Variants in LANCL2 observed in about 807,000 individuals in gnomAD.
The protein encoded by LANCL2 is LanC like glutathione S-transferase 2.
Under a neutral mutation model 56.9 loss-of-function variants are expected in LANCL2, and 33 were observed. The ratio of observed to expected loss-of-function variants is 0.58; its 90% CI spans 0.44 to 0.78. The LOEUF (loss-of-function observed/expected upper bound fraction) is 0.78, where lower values mean the gene tolerates loss of function less well. LANCL2 is among the 30% of genes least tolerant of loss of function. The pLI is 0.00. For synonymous variants in LANCL2, 233 were observed against 228.2 expected (o/e 1.02, Z -0.19); for missense variants, 562 against 580.2 (o/e 0.97, Z 0.32).
At chr7:55,400,466 G>A (rs1333799318) in intron 4 of LANCL2, among the ~76,000 whole-genome samples, 1 of 152,128 alleles carries the variant, frequency 6.6e-6, no homozygotes, top group African/African-American at 2.4e-5. Flanking sequence ...ACCCTTATTT[G>A]CAGGACCAAG....
Position 55,431,412 on chromosome 7 carries a change from G to C in LANCL2, c.*92G>C. Reference sequence around the variant, plus strand: ...ACAGAAACAACTGGGAATCCTGAAAGAGAAGCAGACACCGTCACAGGCCCC... The same window carrying C: ...ACAGAAACAACTGGGAATCCTGAAACAGAAGCAGACACCGTCACAGGCCCC... On this transcript the variant is annotated 3_prime_UTR_variant, in exon 9 of 9. Transcript: ENST00000254770. The C allele has an allele frequency of 1.2e-6, 1 of 867,076 alleles. No individual in the cohort carries two copies. The highest frequency in any genetic ancestry group is 2.5e-5 in the East Asian group (1 of 40,042). The allele number at this position is 867,076 out of a possible 1,614,324, so 53.7% of individuals were successfully genotyped here. A position where few individuals can be genotyped will look rare whatever the true frequency, so the allele number is the denominator to read the frequency against.
chr7:55,425,910 G>A (rs775879671), intron 7 of LANCL2, among the ~76,000 whole-genome samples: 2 of 152,266 alleles, frequency 1.3e-5, no homozygotes, highest in African/African-American at 4.8e-5. Context: ...AGAGCCCTGC[G>A]CACCTTGGCC....
chr7:55,398,305 C>A, intron 2 of LANCL2, 118 bp from the exon 3 acceptor site: 1 of 718,060 alleles, frequency 1.4e-6, no homozygotes, highest in South Asian at 1.8e-5. Context: ...TTTGGTGTTA[C>A]CCGTTTGGAA....
intron 1 of LANCL2, among the ~76,000 whole-genome samples, chr7:55,391,255 T>C (rs1406007961): frequency 6.6e-6 from 1 of 151,962 alleles, no homozygotes; most frequent in Non-Finnish European, 1.5e-5. Flanking sequence ...CCTGACCTCG[T>C]GATCCGCCCG....
Position 55,428,394 on chromosome 7 carries a change from A to G in LANCL2, c.1205A>G (p.Asp402Gly). The G allele has an allele frequency of 3.1e-6, 5 of 1,614,178 alleles. No homozygotes were observed. The highest frequency in any genetic ancestry group is 4.2e-6 in the Non-Finnish European group (5 of 1,180,004). The change falls in exon 8 of 9, where the codon GAT (aspartate) becomes GGT (glycine). Residue 402 changes from aspartate (D) to glycine (G), a missense_variant. Physicochemically the swap from Asp to Gly is moderately conservative, Grantham distance 94. Around this residue, in one of 2 missense-constraint regions of LANCL2, gnomAD observed 378 missense variants for 468.4 expected, o/e 0.81. Transcript: ENST00000254770. ...RACKFAEWCLDYGAHGCRIPD... is the reference protein window; with the variant it reads ...RACKFAEWCLGYGAHGCRIPD... ...TTTCAGTTTGCAGAGTGGTGTCTAG[A>G]TTACGGAGCACACGGGTGCCGCATT...
At chr7:55,390,520 C>T (rs1238434183) in intron 1 of LANCL2, among the ~76,000 whole-genome samples, 2 of 152,142 alleles carry the variant, frequency 1.3e-5, no homozygotes, top group Non-Finnish European at 2.9e-5. Context: ...GCAGGAGAAT[C>T]GCTTGAAGCC....
chr7:55,403,253 C>A (rs1351900880), intron 5 of LANCL2, among the ~76,000 whole-genome samples: 1 of 152,272 alleles, frequency 6.6e-6, no homozygotes, highest in Non-Finnish European at 1.5e-5. Context: ...CCAGCCTGGC[C>A]AACACAGCGA....
At chr7:55,392,895 G>T (rs1466655503) in intron 2 of LANCL2, among the ~76,000 whole-genome samples, 1 of 152,166 alleles carries the variant, frequency 6.6e-6, no homozygotes, top group Non-Finnish European at 1.5e-5. Context: ...GTGACAGGCT[G>T]TGGTGAGTGG....
chr7:55,403,002 C>T (rs1304964544), intron 5 of LANCL2, among the ~76,000 whole-genome samples: 1 of 151,698 alleles, frequency 6.6e-6, no homozygotes, highest in African/African-American at 2.4e-5. Flanking sequence ...CGATGGGCGG[C>T]CAGGCAGAGA....
chr7:55,378,724 A>G lies in LANCL2; in HGVS notation c.204+12495A>G, dbSNP rs183654080. Among the ~76,000 whole-genome samples, 115 of 152,342 alleles carry G rather than the reference A, an allele frequency of 7.5e-4. 1 individual carries two copies. The East Asian group carries it at 0.011, about 15-fold the overall frequency. ...AATCCTCTTTTATGAGAAATAGGAA[A>G]AGGGGAACCATAAAAAGTACCTTAT... On this transcript the variant is annotated intron_variant, in intron 1 of 8. Coordinates refer to ENST00000254770, the MANE Select transcript of LANCL2 (RefSeq NM_018697.4).
chr7:55,429,668 C>T (rs1467084208), intron 8 of LANCL2, among the ~76,000 whole-genome samples: 1 of 152,184 alleles, frequency 6.6e-6, no homozygotes, highest in African/African-American at 2.4e-5. Flanking sequence ...AAGTTGTAGT[C>T]CTCTATGTCA....
intron 1 of LANCL2, among the ~76,000 whole-genome samples, chr7:55,386,262 A>G (rs746102469): frequency 1.3e-5 from 2 of 152,266 alleles, no homozygotes; most frequent in East Asian, 3.8e-4. Context: ...TGGGGAAGTG[A>G]TAAGTGTCCA....
rs538496064 is a variant in LANCL2 at position 55,375,477 on chromosome 7, G to A, written c.204+9248G>A. ...GCGAGCTCCTGTCTTTCTCTGAGACGCCTGTGAGAGGCTTCTTCCTCCAGG... is the reference window on the plus strand; with the variant it reads ...GCGAGCTCCTGTCTTTCTCTGAGACACCTGTGAGAGGCTTCTTCCTCCAGG... On this transcript the variant is annotated intron_variant, in intron 1 of 8. Coordinates refer to ENST00000254770, the MANE Select transcript of LANCL2 (RefSeq NM_018697.4). Among the ~76,000 whole-genome samples the A allele has an allele frequency of 1.2e-4, 19 of 152,254 alleles. No homozygotes were observed. The East Asian group carries it at 1.5e-3, about 12-fold the overall frequency.
At chr7:55,428,294 T>C (rs2272227) in intron 7 of LANCL2, 81 bp from the exon 8 acceptor site, 439,633 of 1,243,092 alleles carry the variant, frequency 0.35, 81,384 homozygotes, top group Admixed American at 0.57. Context: ...CCCTGATGCC[T>C]GTGAAGACAT....
At chr7:55,386,594 A>G (rs1241241811) in intron 1 of LANCL2, among the ~76,000 whole-genome samples, 2 of 152,198 alleles carry the variant, frequency 1.3e-5, no homozygotes, top group Non-Finnish European at 2.9e-5. Context: ...GGAGGGCTAC[A>G]TGTTCTGGAC....
At chr7:55,403,256 C>T (rs1211332041) in intron 5 of LANCL2, among the ~76,000 whole-genome samples, 5 of 152,278 alleles carry the variant, frequency 3.3e-5, no homozygotes, top group African/African-American at 1.2e-4. Context: ...GCCTGGCCAA[C>T]ACAGCGAAAC....
intron 1 of LANCL2, among the ~76,000 whole-genome samples, chr7:55,390,035 T>G (rs948679471): frequency 6.6e-6 from 1 of 152,196 alleles, no homozygotes; most frequent in Non-Finnish European, 1.5e-5. Context: ...AAGGTTTACT[T>G]TTAGTCCAGA....
At chr7:55,378,514 A>G (rs980086150) in intron 1 of LANCL2, among the ~76,000 whole-genome samples, 5 of 125,626 alleles carry the variant, frequency 4.0e-5, no homozygotes, top group Admixed American at 3.0e-4. Context: ...ATATATGTAT[A>G]TGTGTATATA....
chr7:55,395,770 G>A (rs1255154065), intron 2 of LANCL2, among the ~76,000 whole-genome samples: 1 of 152,166 alleles, frequency 6.6e-6, no homozygotes, highest in Admixed American at 6.5e-5. Flanking sequence ...GGTCACAGGG[G>A]CAAACTGCTC....
Sources: allele counts gnomAD v4.1 joint callset (sites outside exome capture counted in the v4.1 genomes callset), GRCh38; gene constraint gnomAD v4.1.1; regional missense constraint gnomAD v4.1.1; transcripts MANE v1.5; gene names NCBI Gene and HGNC (gene_info 2026-07-23, HGNC 2026-07-21).